SLIT1: variants seen among roughly 807,000 people sequenced by gnomAD.
The protein encoded by SLIT1 is slit guidance ligand 1, also known as slit homolog 1 protein.
A neutral mutation model predicts 186.1 loss-of-function variants in SLIT1; 66 were observed. That is an observed-to-expected ratio of 0.35 (90% CI 0.29 to 0.44). SLIT1 has a LOEUF of 0.44. SLIT1 is among the 20% of genes least tolerant of loss of function. The pLI, the probability that SLIT1 is intolerant of heterozygous loss-of-function variation, is 1.00. For synonymous variants in SLIT1, 761 were observed against 833.8 expected (o/e 0.91, Z 1.50); for missense variants, 1,638 against 2,037.4 (o/e 0.80, Z 3.77).
chr10:97,052,588 G>T (rs766995126), intron 13 of SLIT1, among the ~76,000 whole-genome samples: 42 of 152,196 alleles, frequency 2.8e-4, no homozygotes, highest in Non-Finnish European at 4.9e-4. Flanking sequence ...TCACTGAATT[G>T]TATACTTAGA....
intron 4 of SLIT1, among the ~76,000 whole-genome samples, chr10:97,131,685 T>G (rs1849655923): frequency 1.3e-5 from 2 of 152,184 alleles, no homozygotes; most frequent in Admixed American, 6.5e-5. Context: ...GGTCTCTTGT[T>G]TTATCTTAAA....
Position 97,042,990 on chromosome 10 carries a change from A to G in SLIT1, c.2075T>C (p.Val692Ala). The change falls in exon 20 of 37, where the codon GTG becomes GCG. Residue 692 changes from valine to alanine, a missense_variant. Physicochemically the swap from Val to Ala is moderately conservative, Grantham distance 64. Coordinates refer to ENST00000266058, the MANE Select transcript of SLIT1 (RefSeq NM_003061.3). The stretch of plus-strand genomic sequence containing the variant: ...GTTCTGGCATCGCGGGTTCCCCGTC[A>G]CGATCTTGCGCTTCCGTAGCCAGCC... Reference protein sequence around the residue: ...LGGWLRKRKIVTGNPRCQNPD... With the variant: ...LGGWLRKRKIATGNPRCQNPD... 4 of 1,614,248 alleles carry G rather than the reference A, an allele frequency of 2.5e-6. No individual in the cohort carries two copies. The highest frequency in any genetic ancestry group is 3.4e-6 in the Non-Finnish European group (4 of 1,180,046).
At chr10:97,158,174 C>T (rs75578462) in intron 3 of SLIT1, among the ~76,000 whole-genome samples, 7,636 of 152,260 alleles carry the variant, frequency 0.05, 242 homozygotes, top group South Asian at 0.13. Flanking sequence ...TCATCATCAT[C>T]ACTTCACATT....
At position 97,046,878 on chromosome 10, in the gene SLIT1, CCA is replaced by C. The variant is rs1212464045; in HGVS notation, c.1710-83_1710-82del. 5.1e-6 allele frequency: 8 copies of C among 1,581,538 alleles called. No homozygotes were observed. In the East Asian group the frequency reaches 6.7e-5, roughly 13 times the overall value. On this transcript the variant is annotated intron_variant, in intron 17 of 36. Transcript: ENST00000266058. ...CCCTCCCTTCCTGCAGGCAACACCC[CCA>C]CACACAGAGTCCTGGCCCCCCGCCG...
chr10:97,039,313 A>G (rs1589371079), intron 21 of SLIT1, among the ~76,000 whole-genome samples: 1 of 152,214 alleles, frequency 6.6e-6, no homozygotes, highest in Non-Finnish European at 1.5e-5. Flanking sequence ...TGTCAAATGC[A>G]TCTATGTCCA....
rs572916422 is a variant in SLIT1 at position 97,062,192 on chromosome 10, C to T, written c.793+1263G>A. On this transcript the variant is annotated intron_variant, in intron 8 of 36. Coordinates refer to ENST00000266058, the MANE Select transcript of SLIT1 (RefSeq NM_003061.3). ...CACAAGAGACATGCACACAGGTTTT[C>T]GCACACAGGCACACACACTCATACG... Among the ~76,000 whole-genome samples, 16 of 152,164 alleles carry T rather than the reference C, an allele frequency of 1.1e-4. No homozygotes were observed. The South Asian group carries it at 1.9e-3, about 18-fold the overall frequency.
At chr10:97,094,420 G>A (rs145334986) in intron 4 of SLIT1, among the ~76,000 whole-genome samples, 30 of 152,348 alleles carry the variant, frequency 2.0e-4, no homozygotes, top group African/African-American at 7.0e-4. Context: ...CAGTGACCCT[G>A]CATAGCTGTC....
intron 22 of SLIT1, 127 bp from the exon 23 acceptor site, chr10:97,034,669 G>C: frequency 1.3e-6 from 1 of 775,694 alleles, no homozygotes; most frequent in South Asian, 1.4e-5. Context: ...GGGGTGGAGA[G>C]GAGCCCTGGT....
intron 10 of SLIT1, 149 bp from the exon 11 acceptor site, chr10:97,059,680 GA>G: frequency 1.5e-6 from 1 of 687,680 alleles, no homozygotes. Context: ...TCCTCCATTT[GA>G]AAAGCCCATG....
chr10:97,023,931 A>C (rs1803648926), intron 25 of SLIT1, among the ~76,000 whole-genome samples: 1 of 151,786 alleles, frequency 6.6e-6, no homozygotes, highest in Non-Finnish European at 1.5e-5. Flanking sequence ...GACAAGACTG[A>C]AACTCAGTGG....
chr10:97,057,328 G>A, intron 11 of SLIT1, 47 bp from the exon 12 acceptor site: 2 of 1,534,450 alleles, frequency 1.3e-6, no homozygotes, highest in Non-Finnish European at 1.8e-6. Context: ...AGCCCACCAG[G>A]GCAATAGCAC....
At chr10:97,171,984 T>C (rs367593890) in intron 1 of SLIT1, among the ~76,000 whole-genome samples, 1 of 151,668 alleles carries the variant, frequency 6.6e-6, no homozygotes, top group Admixed American at 6.6e-5. Context: ...AACCTTCTTA[T>C]CACAGGCCCA....
In SLIT1 at chr10:97,068,269, C is replaced by T. The variant is rs1288723165; in HGVS notation, c.414-2183G>A. 6.6e-6 allele frequency among the ~76,000 whole-genome samples: 1 copy of T among 152,108 alleles called. No homozygotes were observed. Among genetic ancestry groups the T allele is most frequent in the Non-Finnish European group, 1.5e-5 (1 of 67,998 alleles). ...GAGGGAGGAGCCTGGGGTTCGAGGC[C>T]TGGCCCTCCCCCTCCTGGCCATACA... On this transcript the variant is annotated intron_variant, in intron 4 of 36. Transcript: ENST00000266058. The surrounding 1 kb of genome is among the most constrained non-coding windows in gnomAD (Gnocchi z 4.2).
At chr10:97,036,053 A>G (rs573770878) in intron 22 of SLIT1, among the ~76,000 whole-genome samples, 2 of 152,250 alleles carry the variant, frequency 1.3e-5, no homozygotes, top group South Asian at 4.1e-4. Flanking sequence ...AAACCATGAC[A>G]GTCTGGAGAG....
At chr10:97,041,043 A>G (rs1279343200) in intron 20 of SLIT1, among the ~76,000 whole-genome samples, 1 of 152,232 alleles carries the variant, frequency 6.6e-6, no homozygotes, top group Non-Finnish European at 1.5e-5. Flanking sequence ...AGAGTGGTTC[A>G]GAAACTTGCC....
In SLIT1 at chr10:97,010,635, G is replaced by A. The variant is rs1439962869; in HGVS notation, c.3341+358C>T. Among the ~76,000 whole-genome samples the A allele has an allele frequency of 2.0e-5, 3 of 152,196 alleles. No individual in the cohort carries two copies. The highest frequency in any genetic ancestry group is 7.2e-5 in the African/African-American group (3 of 41,442). On this transcript the variant is annotated intron_variant, in intron 31 of 36. Coordinates refer to ENST00000266058, the MANE Select transcript of SLIT1 (RefSeq NM_003061.3). The surrounding 1 kb of genome is among the most constrained non-coding windows in gnomAD (Gnocchi z 4.8). ...ATGGGACGTGGGTGGCCAGAGGGAGGGTGGGCCCTCCAACCTCCCAGGGGA... is the reference window on the plus strand; with the variant it reads ...ATGGGACGTGGGTGGCCAGAGGGAGAGTGGGCCCTCCAACCTCCCAGGGGA...
At chr10:97,077,233 C>T (rs1167559440) in intron 4 of SLIT1, among the ~76,000 whole-genome samples, 1 of 152,120 alleles carries the variant, frequency 6.6e-6, no homozygotes, top group Non-Finnish European at 1.5e-5. Context: ...TGACACTGCA[C>T]TCCAACTTGG....
intron 30 of SLIT1, among the ~76,000 whole-genome samples, chr10:97,013,456 G>C (rs1848428427): frequency 6.6e-6 from 1 of 152,186 alleles, no homozygotes; most frequent in Admixed American, 6.5e-5. Flanking sequence ...ATCACCCCAG[G>C]AGGAAGCTAC....
At chr10:97,049,440 G>A (rs1483478963) in intron 13 of SLIT1, among the ~76,000 whole-genome samples, 1 of 152,188 alleles carries the variant, frequency 6.6e-6, no homozygotes, top group Non-Finnish European at 1.5e-5. Flanking sequence ...CATTTCACGA[G>A]CACGAGCGGA....
Sources: gnomAD v4.1 joint callset for allele counts (sites outside exome capture counted in the v4.1 genomes callset) on GRCh38, gnomAD v4.1.1 for gene constraint, Gnocchi (gnomAD v3.1) non-coding constraint, MANE v1.5 for transcripts, NCBI Gene and HGNC (gene_info 2026-07-23, HGNC 2026-07-21) for gene names.